The following HM13 variants were observed in gnomAD, a reference collection of about 807,000 sequenced individuals.
The protein encoded by HM13 is signal peptide peptidase.
In HM13, 18 loss-of-function variants were observed where a neutral mutation model predicts 50.0. The ratio of observed to expected loss-of-function variants is 0.36; its 90% confidence interval spans 0.25 to 0.53. The LOEUF is 0.53. Ranked by LOEUF, HM13 falls within the 20% of genes least tolerant of loss-of-function variation. The pLI is 0.90. For missense variants in HM13, 393 were observed against 552.4 expected (o/e 0.71, Z 2.89); for synonymous variants, 197 against 232.6 (o/e 0.85, Z 1.39).
In HM13 at chr20:31,569,433, A is replaced by C; in HGVS notation, c.*214A>C. On this transcript the variant is annotated 3_prime_UTR_variant, in exon 13 of 13. Coordinates refer to ENST00000398174, the MANE Select transcript of HM13 (RefSeq NM_178581.3). Reference sequence around the variant, plus strand: ...CTCCCCACACCCTGCAGGCAAAAGAAACCCCCAGCTTCCCCCCTCCCCGGG... The same window carrying C: ...CTCCCCACACCCTGCAGGCAAAAGACACCCCCAGCTTCCCCCCTCCCCGGG... 1 of 413,100 alleles carries C rather than the reference A, an allele frequency of 2.4e-6. No individual in the cohort carries two copies. Among genetic ancestry groups the C allele is most frequent in the Non-Finnish European group, 4.4e-6 (1 of 226,454 alleles). The allele number at this position is 413,100 out of a possible 1,614,324, so 25.6% of individuals were successfully genotyped here.
At chr20:31,549,785 G>T (rs1183538829) in intron 6 of HM13, among the ~76,000 whole-genome samples, 1 of 152,156 alleles carries the variant, frequency 6.6e-6, no homozygotes, top group Non-Finnish European at 1.5e-5. Flanking sequence ...AGTGGGTAGC[G>T]CTGGGGGACT....
Position 31,529,110 on chromosome 20 carries a change from C to A in HM13, c.282+1528C>A, listed in dbSNP as rs555960954. Among the ~76,000 whole-genome samples the A allele has an allele frequency of 3.5e-4, 54 of 152,210 alleles. 1 individual carries two copies. Among genetic ancestry groups the A allele is most frequent in the Admixed American group, 3.2e-3 (49 of 15,278 alleles). On this transcript the variant is annotated intron_variant, in intron 2 of 12. Transcript: ENST00000398174. ...CAATTCCTGGACTCAAGTGGAAAACCGACTGATTTTGTTTTATTGTATTTT... is the reference window on the plus strand; with the variant it reads ...CAATTCCTGGACTCAAGTGGAAAACAGACTGATTTTGTTTTATTGTATTTT...
chr20:31,544,577 C>A (rs1176475476), intron 3 of HM13, among the ~76,000 whole-genome samples: 1 of 152,204 alleles, frequency 6.6e-6, no homozygotes, highest in East Asian at 1.9e-4. Context: ...TGCTTCTTGA[C>A]AAGGGACTCA....
chr20:31,523,125 A>G (rs1161198983), intron 1 of HM13, among the ~76,000 whole-genome samples: 2 of 149,184 alleles, frequency 1.3e-5, no homozygotes, highest in African/African-American at 5.1e-5. Context: ...ATCCCCACTC[A>G]CTACGGCCTC....
intron 10 of HM13, 47 bp from the exon 11 acceptor site, chr20:31,566,163 G>A: frequency 1.4e-6 from 2 of 1,447,974 alleles, no homozygotes; most frequent in African/African-American, 1.4e-5. Context: ...CGGCCCTGAG[G>A]CAGTGCCGTG....
chr20:31,534,513 G>T (rs6059830), intron 2 of HM13, among the ~76,000 whole-genome samples: 46,759 of 152,158 alleles, frequency 0.31, 11,811 homozygotes, highest in African/African-American at 0.7. Context: ...GCTGGGCACC[G>T]TGGCTCACGC....
Position 31,549,078 on chromosome 20 carries a change from G to A in HM13, c.504G>A (p.Leu168=), listed in dbSNP as rs767049116. Residue 168 remains leucine, a synonymous_variant, in exon 5 of 13, where the codon CTG becomes CTA. Transcript: ENST00000398174. ...FDTKDLVCLG[L]SSIVGVWYLL... is the part of the protein sequence containing the mutation. The stretch of plus-strand genomic sequence containing the variant: ...CCAAGGACCTGGTGTGCCTGGGCCT[G>A]AGCAGCATCGTTGGCGTCTGGTACC... 6.2e-7 allele frequency: 1 copy of A among 1,614,132 alleles called. No individual in the cohort carries two copies. The highest frequency in any genetic ancestry group is 8.5e-7 in the Non-Finnish European group (1 of 1,180,004).
At chr20:31,535,386 AC>A (rs1220168999) in intron 2 of HM13, 12 of 152,170 alleles carry the variant, frequency 7.9e-5, no homozygotes, top group African/African-American at 2.9e-4. Context: ...CCACACCCAT[AC>A]CCCATGCTCT....
chr20:31,520,340 T>G (rs1982076004), intron 1 of HM13, among the ~76,000 whole-genome samples: 1 of 151,770 alleles, frequency 6.6e-6, no homozygotes. Flanking sequence ...AGTCTCACTC[T>G]TTGGCCAGGC....
At chr20:31,539,507 C>G in intron 3 of HM13, 1 of 985,466 alleles carries the variant, frequency 1.0e-6, no homozygotes, top group Non-Finnish European at 1.2e-6. Flanking sequence ...GCATTGAAAG[C>G]CAATATGAGG....
At chr20:31,554,890 G>A in intron 8 of HM13, 61 bp downstream of exon 8, 1 of 1,320,374 alleles carries the variant, frequency 7.6e-7, no homozygotes, top group Non-Finnish European at 1.1e-6. Context: ...CCGGAGCAAG[G>A]GGATTACTGC....
chr20:31,554,692 A>AG lies in HM13; in HGVS notation c.725-54_725-53insG, dbSNP rs1274728937. ...GCGAGACTCCGTCTCAAAAAAAAAA[A>AG]AAAATGTAAACTGGGCTCCAGCTGA... On this transcript the variant is annotated intron_variant, in intron 7 of 12. Transcript: ENST00000398174. 6 of 1,535,986 alleles carry AG rather than the reference A, an allele frequency of 3.9e-6. No individual in the cohort carries two copies. The East Asian group carries it at 1.3e-4, about 35-fold the overall frequency.
chr20:31,553,295 CAA>C (rs571430209), intron 7 of HM13, among the ~76,000 whole-genome samples: 110 of 114,184 alleles, frequency 9.6e-4, no homozygotes, highest in African/African-American at 4.0e-3. Context: ...GACTCCATCT[CAA>C]AAAAAAAAAA....
At position 31,533,086 on chromosome 20, in the gene HM13, C is replaced by G. The variant is rs73233635; in HGVS notation, c.283-5093C>G. Reference sequence around the variant, plus strand: ...CCACTGGGCTCCTCCTGGCCTCCCCCCTGACATCTGGCTGGTTGGTTTGCT... The same window carrying G: ...CCACTGGGCTCCTCCTGGCCTCCCCGCTGACATCTGGCTGGTTGGTTTGCT... On this transcript the variant is annotated intron_variant, in intron 2 of 12. Coordinates refer to ENST00000398174, the MANE Select transcript of HM13 (RefSeq NM_178581.3). Among the ~76,000 whole-genome samples the G allele has an allele frequency of 9.7e-3, 1,480 of 152,340 alleles. 17 individuals are homozygous for G. Among genetic ancestry groups the G allele is most frequent in the African/African-American group, 0.032 (1,344 of 41,572 alleles).
At chr20:31,535,017 C>T (rs2122581533) in intron 2 of HM13, among the ~76,000 whole-genome samples, 1 of 151,132 alleles carries the variant, frequency 6.6e-6, no homozygotes, top group African/African-American at 2.4e-5. Context: ...ACCCGGGAGG[C>T]ACAGTTTTCA....
intron 2 of HM13, among the ~76,000 whole-genome samples, chr20:31,530,242 C>T (rs1303889609): frequency 2.0e-5 from 3 of 152,084 alleles, no homozygotes; most frequent in African/African-American, 7.2e-5. Context: ...TTTTTTCAAC[C>T]TAAAGTACAA....
chr20:31,566,274 G>C lies in HM13; in HGVS notation c.1013G>C (p.Gly338Ala), dbSNP rs759279861. ...CCTGTCCTGGTGGCGCTGGCCAAGGGAGAAGTGACAGAGATGTTCAGGTAA... is the reference window on the plus strand; with the variant it reads ...CCTGTCCTGGTGGCGCTGGCCAAGGCAGAAGTGACAGAGATGTTCAGGTAA... Reference protein sequence around the residue: ...GFPVLVALAKGEVTEMFSYES... With the variant: ...GFPVLVALAKAEVTEMFSYES... Residue 338 changes from glycine to alanine, a missense_variant, in exon 11 of 13, where the codon GGA becomes GCA. Transcript: ENST00000398174. The C allele has an allele frequency of 1.9e-6, 3 of 1,613,936 alleles. No homozygotes were observed. In the Admixed American group the frequency reaches 5.0e-5, roughly 27 times the overall value.
chr20:31,560,295 C>T (rs1346668958), intron 9 of HM13, among the ~76,000 whole-genome samples: 3 of 152,210 alleles, frequency 2.0e-5, no homozygotes, highest in South Asian at 2.1e-4. Context: ...ATTTTATGCC[C>T]CGTCATCCCT....
intron 8 of HM13, among the ~76,000 whole-genome samples, chr20:31,556,651 C>T (rs1322897263): frequency 6.6e-6 from 1 of 152,212 alleles, no homozygotes; most frequent in Non-Finnish European, 1.5e-5. Context: ...CTGCTCCTTA[C>T]AGCAGCACTA....
Sources: gnomAD v4.1 joint callset for allele counts (sites outside exome capture counted in the v4.1 genomes callset) on GRCh38, gnomAD v4.1.1 for gene constraint, MANE v1.5 for transcripts, NCBI Gene and HGNC (gene_info 2026-07-23, HGNC 2026-07-21) for gene names.